IL1RAPL2: variants seen among roughly 807,000 people sequenced by gnomAD.
IL1RAPL2 encodes the protein X-linked interleukin-1 receptor accessory protein-like 2.
A neutral mutation model predicts 44.1 loss-of-function variants in IL1RAPL2; 3 were observed. The ratio of observed to expected loss-of-function variants is 0.07; its 90% CI spans 0.03 to 0.18. The LOEUF (loss-of-function observed/expected upper bound fraction) is 0.18, where lower values mean the gene tolerates loss of function less well. Among genes scored for constraint, IL1RAPL2 ranks in the 10% least tolerant of loss-of-function variants. The pLI, the probability that IL1RAPL2 is intolerant of heterozygous loss-of-function variation, is 1.00. For missense variants in IL1RAPL2, 391 were observed against 496.4 expected, an observed-to-expected ratio of 0.79 and a Z score of 2.02; for synonymous variants, 181 against 178.8, an observed-to-expected ratio of 1.01 and a Z score of -0.10.
chrX:105,662,725 G>A lies in IL1RAPL2; in HGVS notation c.773-54642G>A, dbSNP rs528091278. Among the ~76,000 whole-genome samples, 4 of 111,508 alleles carry A rather than the reference G, an allele frequency of 3.6e-5. No individual in the cohort carries two copies. In the South Asian group the frequency reaches 1.5e-3, roughly 42 times the overall value. On this transcript the variant is annotated intron_variant, in intron 6 of 10. Coordinates refer to ENST00000372582, the MANE Select transcript of IL1RAPL2 (RefSeq NM_017416.2). ...AGAGGGAAATTTACAGCCATGTCAT[G>A]AGGACATTTAGGTATCCTATGGAGA... is the stretch of plus-strand genomic sequence containing the variant.
At chrX:105,177,881 G>T (rs1402666385) in intron 2 of IL1RAPL2, among the ~76,000 whole-genome samples, 2 of 111,120 alleles carry the variant, frequency 1.8e-5, no homozygotes, top group East Asian at 5.6e-4. Flanking sequence ...TATTTATGGG[G>T]TACATGTGAT....
intron 2 of IL1RAPL2, among the ~76,000 whole-genome samples, chrX:104,776,620 G>A (rs915646099): frequency 2.7e-5 from 3 of 111,809 alleles, no homozygotes; most frequent in Non-Finnish European, 5.6e-5. Flanking sequence ...ATAACAATTG[G>A]AATGTTAGCT....
chrX:105,330,154 A>G (rs937974835), intron 5 of IL1RAPL2, among the ~76,000 whole-genome samples: 4 of 111,481 alleles, frequency 3.6e-5, no homozygotes, highest in Non-Finnish European at 7.5e-5. Flanking sequence ...AAAGTTTGAT[A>G]TATACTGAGC....
intron 5 of IL1RAPL2, among the ~76,000 whole-genome samples, chrX:105,447,980 T>G (rs1052832513): frequency 9.8e-6 from 1 of 101,642 alleles, no homozygotes; most frequent in Non-Finnish European, 2.0e-5. Flanking sequence ...AAAATATAAA[T>G]ATATAAATAT....
chrX:104,839,384 C>T (rs1259756777), intron 2 of IL1RAPL2, among the ~76,000 whole-genome samples: 2 of 111,604 alleles, frequency 1.8e-5, no homozygotes, highest in East Asian at 2.8e-4. Context: ...TGATGGATTA[C>T]GTTTATTGAT....
In IL1RAPL2 at chrX:105,065,067, A is replaced by G. The variant is rs760642709; in HGVS notation, c.83-130408A>G. Reference sequence around the variant, plus strand: ...CTGCATGTTATATAGTTTTCTGGAAACAAAGCTATGAGACTGAAACTGACA... The same window carrying G: ...CTGCATGTTATATAGTTTTCTGGAAGCAAAGCTATGAGACTGAAACTGACA... On this transcript the variant is annotated intron_variant, in intron 2 of 10. Transcript: ENST00000372582. 1.1e-4 allele frequency among the ~76,000 whole-genome samples: 12 copies of G among 112,556 alleles called. No homozygotes were observed. In the South Asian group the frequency reaches 4.4e-3, roughly 41 times the overall value.
intron 2 of IL1RAPL2, among the ~76,000 whole-genome samples, chrX:104,662,301 T>C (rs1231723341): frequency 8.9e-6 from 1 of 112,005 alleles, no homozygotes; most frequent in African/African-American, 3.2e-5. Flanking sequence ...CAAAGATGGC[T>C]CTGAGACTGC....
intron 5 of IL1RAPL2, among the ~76,000 whole-genome samples, chrX:105,340,620 T>C (rs1026743062): frequency 1.8e-5 from 2 of 111,948 alleles, no homozygotes; most frequent in Non-Finnish European, 3.8e-5. Flanking sequence ...TTCTTCTGCC[T>C]GTGATGCTCT....
intron 2 of IL1RAPL2, among the ~76,000 whole-genome samples, chrX:105,159,984 C>T (rs1340671910): frequency 1.5e-5 from 1 of 68,280 alleles, no homozygotes; most frequent in Non-Finnish European, 2.6e-5. Flanking sequence ...CTTAAAGAAC[C>T]CCCCCCCCCA....
chrX:105,556,201 A>C (rs964636151), intron 6 of IL1RAPL2, among the ~76,000 whole-genome samples: 1 of 111,841 alleles, frequency 8.9e-6, no homozygotes, highest in African/African-American at 3.2e-5. Context: ...GAAGCTTTGT[A>C]TACCTCCTAT....
chrX:105,157,107 CAAA>C (rs1294362653), intron 2 of IL1RAPL2, among the ~76,000 whole-genome samples: 3 of 34,971 alleles, frequency 8.6e-5, no homozygotes, highest in Non-Finnish European at 1.2e-4. Flanking sequence ...TTCGAGTTAG[CAAA>C]AAAAAAAAAA....
At chrX:105,684,240 C>T (rs186044682) in intron 6 of IL1RAPL2, among the ~76,000 whole-genome samples, 61 of 112,296 alleles carry the variant, frequency 5.4e-4, no homozygotes, top group Middle Eastern at 4.7e-3. Flanking sequence ...TCGCCTCACC[C>T]GGGGAAGCAC....
At chrX:105,265,309 T>A (rs1314654060) in intron 4 of IL1RAPL2, among the ~76,000 whole-genome samples, 2 of 112,290 alleles carry the variant, frequency 1.8e-5, no homozygotes, top group East Asian at 5.6e-4. Flanking sequence ...GAATGATTCT[T>A]TAGAAATCTG....
chrX:105,159,985 C>G (rs189700973), intron 2 of IL1RAPL2, among the ~76,000 whole-genome samples: 4 of 91,204 alleles, frequency 4.4e-5, no homozygotes, highest in Non-Finnish European at 6.2e-5. Context: ...TTAAAGAACC[C>G]CCCCCCCCAC....
At chrX:105,172,839 A>G (rs1252104460) in intron 2 of IL1RAPL2, among the ~76,000 whole-genome samples, 1 of 111,468 alleles carries the variant, frequency 9.0e-6, no homozygotes, top group African/African-American at 3.3e-5. Context: ...AATTTCTGCT[A>G]CAAGAGTGTT....
intron 5 of IL1RAPL2, among the ~76,000 whole-genome samples, chrX:105,435,285 GA>G (rs749246754): frequency 1.8e-5 from 2 of 111,350 alleles, no homozygotes; most frequent in African/African-American, 6.5e-5. Flanking sequence ...ACAAACATAT[GA>G]AAAAAAGCTC....
At chrX:105,700,329 T>C (rs2038109743) in intron 6 of IL1RAPL2, among the ~76,000 whole-genome samples, 1 of 112,116 alleles carries the variant, frequency 8.9e-6, no homozygotes, top group African/African-American at 3.2e-5. Context: ...TTGGAGATAA[T>C]TGAGTCATGT....
intron 1 of IL1RAPL2, among the ~76,000 whole-genome samples, chrX:104,626,299 C>CGT (rs111509844): frequency 0.065 from 6,522 of 100,569 alleles, 339 homozygotes; most frequent in African/African-American, 0.17. Context: ...CTGTCTCATG[C>CGT]GTGTGTGTGT....
intron 1 of IL1RAPL2, among the ~76,000 whole-genome samples, chrX:104,607,860 C>T (rs371296231): frequency 9.0e-6 from 1 of 111,685 alleles, no homozygotes; most frequent in African/African-American, 3.3e-5. Context: ...ACCATTTGAC[C>T]CAGCAATCCC....
Sources: gnomAD v4.1 joint callset for allele counts (sites outside exome capture counted in the v4.1 genomes callset) on GRCh38, gnomAD v4.1.1 for gene constraint, MANE v1.5 for transcripts, NCBI Gene and HGNC (gene_info 2026-07-23, HGNC 2026-07-21) for gene names.